Variants in PRKCE observed in about 807,000 individuals in gnomAD.
The protein encoded by PRKCE is protein kinase C epsilon type.
Under a neutral mutation model 85.4 loss-of-function variants are expected in PRKCE, and 16 were observed. The ratio of observed to expected loss-of-function variants is 0.19; its 90% CI spans 0.13 to 0.28. PRKCE has a LOEUF of 0.28. PRKCE is among the 10% of genes least tolerant of loss of function. PRKCE has a pLI of 1.00. For missense variants in PRKCE, 573 were observed against 975.2 expected (o/e 0.59, Z 5.49); for synonymous variants, 388 against 371.5 (o/e 1.04, Z -0.51).
chr2:46,148,590 A>T (rs1208653523), intron 12 of PRKCE, among the ~76,000 whole-genome samples: 1 of 152,242 alleles, frequency 6.6e-6, no homozygotes, highest in East Asian at 1.9e-4. Context: ...GAGCATGCCC[A>T]GTAGATACAC....
chr2:45,975,801 C>T (rs1236493771), intron 2 of PRKCE, among the ~76,000 whole-genome samples: 2 of 152,094 alleles, frequency 1.3e-5, no homozygotes, highest in African/African-American at 4.8e-5. Flanking sequence ...CTTGAGCCTT[C>T]GAGAAACTAC....
At chr2:46,179,495 G>A (rs1284240709) in intron 14 of PRKCE, among the ~76,000 whole-genome samples, 4 of 152,058 alleles carry the variant, frequency 2.6e-5, no homozygotes, top group African/African-American at 7.2e-5. Flanking sequence ...CACCAAAAAT[G>A]TGCCCTTCCC....
At position 45,786,436 on chromosome 2, in the gene PRKCE, C is replaced by G. The variant is rs925483097; in HGVS notation, c.349-56564C>G. Among the ~76,000 whole-genome samples, 1 of 152,180 alleles carries G rather than the reference C, an allele frequency of 6.6e-6. No individual in the cohort carries two copies. Among genetic ancestry groups the G allele is most frequent in the Non-Finnish European group, 1.5e-5 (1 of 68,030 alleles). ...CCCTACCGCAACTTCCGTTTCTGTA[C>G]CCACCCACTCCCTCTCTTTCTGGCT... On this transcript the variant is annotated intron_variant, in intron 1 of 14. Transcript: ENST00000306156. This position sits in a 1 kb window ranked among gnomAD's most constrained non-coding sequence, Gnocchi z 5.3.
At chr2:45,860,789 C>T (rs1693096142) in intron 2 of PRKCE, among the ~76,000 whole-genome samples, 1 of 152,118 alleles carries the variant, frequency 6.6e-6, no homozygotes, top group Non-Finnish European at 1.5e-5. Context: ...GAACAGGCAT[C>T]CCTTTGTAGA....
intron 10 of PRKCE, among the ~76,000 whole-genome samples, chr2:46,072,493 A>G (rs1668162977): frequency 6.6e-6 from 1 of 152,270 alleles, no homozygotes; most frequent in Admixed American, 6.5e-5. Flanking sequence ...CTATAAGACT[A>G]AAAGTCAGCC....
chr2:45,739,604 C>G (rs909986066), intron 1 of PRKCE, among the ~76,000 whole-genome samples: 3 of 152,066 alleles, frequency 2.0e-5, no homozygotes, highest in Non-Finnish European at 4.4e-5. Context: ...ACTGAAAAGG[C>G]TATATACTGT....
intron 1 of PRKCE, among the ~76,000 whole-genome samples, chr2:45,831,998 T>C (rs1200013612): frequency 6.6e-6 from 1 of 152,252 alleles, no homozygotes; most frequent in Non-Finnish European, 1.5e-5. Context: ...ACTAAATGAT[T>C]TTTAAGGCAT....
At chr2:45,705,092 C>T (rs1678999390) in intron 1 of PRKCE, among the ~76,000 whole-genome samples, 1 of 152,216 alleles carries the variant, frequency 6.6e-6, no homozygotes, top group Admixed American at 6.5e-5. Flanking sequence ...GACTTACTAT[C>T]ATCACTATCA....
At chr2:45,949,199 A>G (rs762745563) in intron 2 of PRKCE, among the ~76,000 whole-genome samples, 42 of 152,206 alleles carry the variant, frequency 2.8e-4, no homozygotes, top group Admixed American at 6.5e-4. Context: ...TTGCTTATCA[A>G]CATGGTTACA....
At chr2:46,166,085 C>T (rs558608590) in intron 14 of PRKCE, among the ~76,000 whole-genome samples, 231 of 152,262 alleles carry the variant, frequency 1.5e-3, no homozygotes, top group Non-Finnish European at 2.2e-3. Context: ...CGCTGCATGG[C>T]GGGACCCCCG....
chr2:45,828,504 G>C (rs963290934), intron 1 of PRKCE, among the ~76,000 whole-genome samples: 1 of 152,176 alleles, frequency 6.6e-6, no homozygotes, highest in African/African-American at 2.4e-5. Flanking sequence ...CTCAGAATTG[G>C]TGATTATGAT....
intron 11 of PRKCE, among the ~76,000 whole-genome samples, chr2:46,117,147 G>A (rs1574512020): frequency 1.3e-5 from 2 of 152,176 alleles, no homozygotes; most frequent in South Asian, 2.1e-4. Context: ...AGAGGGGTGG[G>A]AGTTTCTGTC....
intron 11 of PRKCE, among the ~76,000 whole-genome samples, chr2:46,111,133 C>A (rs1013318240): frequency 1.3e-5 from 2 of 152,060 alleles, no homozygotes; most frequent in Admixed American, 6.5e-5. Flanking sequence ...CCATTACATG[C>A]AAGCTTGAGA....
intron 2 of PRKCE, among the ~76,000 whole-genome samples, chr2:45,875,608 G>T (rs557808753): frequency 5.3e-5 from 8 of 152,296 alleles, no homozygotes; most frequent in Admixed American, 4.6e-4. Flanking sequence ...TGTTGTTGTT[G>T]TTGTTCTGCC....
At chr2:45,735,430 A>G (rs898125486) in intron 1 of PRKCE, among the ~76,000 whole-genome samples, 3 of 152,266 alleles carry the variant, frequency 2.0e-5, no homozygotes, top group Non-Finnish European at 2.9e-5. Flanking sequence ...TTTGGGTTTG[A>G]ATTTTGCCTC....
intron 1 of PRKCE, among the ~76,000 whole-genome samples, chr2:45,836,429 AGCT>A (rs1690881673): frequency 1.3e-5 from 2 of 152,238 alleles, no homozygotes. Context: ...GTCTTTAATT[AGCT>A]GCTAACTTCA....
intron 2 of PRKCE, among the ~76,000 whole-genome samples, chr2:45,969,355 C>G (rs985654322): frequency 3.3e-5 from 5 of 152,156 alleles, no homozygotes; most frequent in African/African-American, 1.2e-4. Flanking sequence ...CTCCAAAGAG[C>G]CAAATGGGTC....
At chr2:46,106,401 A>C (rs1203090842) in intron 11 of PRKCE, among the ~76,000 whole-genome samples, 1 of 152,226 alleles carries the variant, frequency 6.6e-6, no homozygotes, top group East Asian at 1.9e-4. Flanking sequence ...TAGAATTGTT[A>C]ACCCACACTG....
At chr2:45,692,675 G>T (rs1446259829) in intron 1 of PRKCE, among the ~76,000 whole-genome samples, 1 of 151,846 alleles carries the variant, frequency 6.6e-6, no homozygotes, top group Non-Finnish European at 1.5e-5. Context: ...TGCTACAAGG[G>T]GCCGGAGCAC....
Sources: gnomAD v4.1 joint callset for allele counts (sites outside exome capture counted in the v4.1 genomes callset) on GRCh38, gnomAD v4.1.1 for gene constraint, Gnocchi (gnomAD v3.1) non-coding constraint, MANE v1.5 for transcripts, NCBI Gene and HGNC (gene_info 2026-07-23, HGNC 2026-07-21) for gene names.